Variants in ANKS6 observed in about 807,000 individuals in gnomAD.
ANKS6 encodes ankyrin repeat and sterile alpha motif domain containing 6, also known as ankyrin repeat and SAM domain-containing protein 6.
Under a neutral mutation model 77.9 loss-of-function variants are expected in ANKS6, and 47 were observed. That is an observed-to-expected ratio of 0.60 (90% confidence interval 0.48 to 0.77). The LOEUF is 0.77. Among genes scored for constraint, ANKS6 ranks in the 30% least tolerant of loss-of-function variants. The pLI is 0.00. For synonymous variants in ANKS6, 488 were observed against 501.7 expected, an observed-to-expected ratio of 0.97 and a Z score of 0.37; for missense variants, 1,150 against 1,159.1, an observed-to-expected ratio of 0.99 and a Z score of 0.11.
chr9:98,795,687 G>A (rs560606520), intron 1 of ANKS6, among the ~76,000 whole-genome samples: 1 of 152,180 alleles, frequency 6.6e-6, no homozygotes, highest in Admixed American at 6.5e-5. Context: ...TCCAAAATGG[G>A]TCACCTGCCC....
Position 98,791,276 on chromosome 9 carries a change from C to G in ANKS6, c.360-670G>C, listed in dbSNP as rs1441830414. 2.0e-5 allele frequency among the ~76,000 whole-genome samples: 3 copies of G among 152,232 alleles called. No homozygotes were observed. The East Asian group carries it at 5.8e-4, about 29-fold the overall frequency. On this transcript the variant is annotated intron_variant, in intron 1 of 14. Coordinates refer to ENST00000353234, the MANE Select transcript of ANKS6 (RefSeq NM_173551.5). This position sits in a 1 kb window ranked among gnomAD's most constrained non-coding sequence, Gnocchi z 4.3. The stretch of plus-strand genomic sequence containing the variant: ...ATCCCCAAAAGCACACACCCCATGC[C>G]AAGAGGTGTGGCAAGGTTGTGGTCA...
In ANKS6 at chr9:98,745,093, T is replaced by G. The variant is rs28397053; in HGVS notation, c.2511+466A>C. Reference sequence around the variant, plus strand: ...AGAAATTTAACATGAGACAAAAATGTGGGAAGCCGACAATAGTGACTGACG... The same window carrying G: ...AGAAATTTAACATGAGACAAAAATGGGGGAAGCCGACAATAGTGACTGACG... On this transcript the variant is annotated intron_variant, in intron 14 of 14. Transcript: ENST00000353234. 3.2e-3 allele frequency among the ~76,000 whole-genome samples: 490 copies of G among 152,330 alleles called. 4 individuals are homozygous for G. The highest frequency in any genetic ancestry group is 5.1e-3 in the Non-Finnish European group (348 of 68,042).
At chr9:98,750,307 T>C (rs1299021339) in intron 13 of ANKS6, among the ~76,000 whole-genome samples, 1 of 152,250 alleles carries the variant, frequency 6.6e-6, no homozygotes, top group African/African-American at 2.4e-5. Flanking sequence ...TTTCTTCCAC[T>C]TAGCAAGATG....
In ANKS6 at chr9:98,782,502, G is replaced by A. The variant is rs747325459; in HGVS notation, c.1184C>T (p.Thr395Met). Reference sequence around the variant, plus strand: ...CAGCAGCATCACCAGGTCAAAGGCCGTGTATCCATTTTTTGCACGAAGAGT... The same window carrying A: ...CAGCAGCATCACCAGGTCAAAGGCCATGTATCCATTTTTTGCACGAAGAGT... Reference protein sequence around the residue: ...DVTLRAKNGYTAFDLVMLLND... With the variant: ...DVTLRAKNGYMAFDLVMLLND... The change falls in exon 5 of 15, where the codon ACG becomes ATG. Residue 395 changes from threonine to methionine, a missense_variant. Thr to Met is a moderately conservative substitution (Grantham distance 81). Coordinates refer to ENST00000353234, the MANE Select transcript of ANKS6 (RefSeq NM_173551.5). 32 of 1,614,148 alleles carry A rather than the reference G, an allele frequency of 2.0e-5. No individual in the cohort carries two copies. In the East Asian group the frequency reaches 2.5e-4, roughly 12 times the overall value.
rs149684772 is a variant in ANKS6, at chr9:98,732,914, C to A, written c.*3605G>T. 2.8e-6 allele frequency: 3 copies of A among 1,074,152 alleles called. No homozygotes were observed. The highest frequency in any genetic ancestry group is 3.4e-6 in the Non-Finnish European group (3 of 884,954). 66.5% of individuals were successfully genotyped at this position (1,074,152 alleles called of 1,614,324 possible). A position where few individuals can be genotyped will look rare whatever the true frequency, so the allele number is the denominator to read the frequency against. On this transcript the variant is annotated 3_prime_UTR_variant, in exon 15 of 15. Transcript: ENST00000353234. ...ACATTACGTGCTGCCTTTGCACATGCCCCAGCTGGAATGCCCTTTTTCTTT... is the reference window on the plus strand; with the variant it reads ...ACATTACGTGCTGCCTTTGCACATGACCCAGCTGGAATGCCCTTTTTCTTT...
At chr9:98,737,526 A>C (rs1010695467) in intron 14 of ANKS6, among the ~76,000 whole-genome samples, 7 of 152,230 alleles carry the variant, frequency 4.6e-5, no homozygotes, top group African/African-American at 1.7e-4. Context: ...TACCTAACCA[A>C]GGAGGTGAAA....
intron 11 of ANKS6, among the ~76,000 whole-genome samples, chr9:98,760,894 A>T (rs1041407970): frequency 2.6e-5 from 4 of 152,196 alleles, no homozygotes; most frequent in African/African-American, 4.8e-5. Context: ...GAAATTTTTT[A>T]AAAATCCACC....
At chr9:98,740,997 C>T (rs993718531) in intron 14 of ANKS6, among the ~76,000 whole-genome samples, 5 of 152,176 alleles carry the variant, frequency 3.3e-5, no homozygotes, top group African/African-American at 1.2e-4. Flanking sequence ...TGGCTCTTTC[C>T]GGAAAGTTAT....
At chr9:98,775,109 A>G (rs1833857229) in intron 8 of ANKS6, among the ~76,000 whole-genome samples, 1 of 152,262 alleles carries the variant, frequency 6.6e-6, no homozygotes, top group Non-Finnish European at 1.5e-5. Flanking sequence ...TCTAGACCAC[A>G]ACAAGCTCAT....
intron 13 of ANKS6, among the ~76,000 whole-genome samples, 154 bp downstream of exon 13, chr9:98,750,871 TAACA>T (rs1181974439): frequency 1.3e-5 from 2 of 152,214 alleles, no homozygotes; most frequent in African/African-American, 2.4e-5. Context: ...GATTTCACAA[TAACA>T]AACTGAACTA....
chr9:98,790,284 G>T lies in ANKS6; in HGVS notation c.682C>A (p.Pro228Thr). 1.2e-6 allele frequency: 2 copies of T among 1,603,762 alleles called. No individual in the cohort carries two copies. Among genetic ancestry groups the T allele is most frequent in the Non-Finnish European group, 1.7e-6 (2 of 1,173,156 alleles). The change falls in exon 2 of 15, where the codon CCG becomes ACG. Residue 228 changes from proline to threonine, a missense_variant. Pro to Thr is a conservative substitution (Grantham distance 38). Coordinates refer to ENST00000353234, the MANE Select transcript of ANKS6 (RefSeq NM_173551.5). ...CCAGTGAGTGCGGCCAGCATCAGCG[G>T]GCTCCAGCCCACGGTCCGGGCTGCG... is the stretch of plus-strand genomic sequence containing the variant. ...NHAARTVGWSPLMLAALTGRL... is the reference protein window; with the variant it reads ...NHAARTVGWSTLMLAALTGRL...
At chr9:98,789,871 G>C (rs1343401810) in intron 2 of ANKS6, 2 of 514,972 alleles carry the variant, frequency 3.9e-6, no homozygotes, top group Non-Finnish European at 3.2e-6. Flanking sequence ...TTGTTATAGA[G>C]GCTTCCAGGC....
rs528333578 is a variant in ANKS6, at chr9:98,734,121, C to T, written c.*2398G>A. On this transcript the variant is annotated 3_prime_UTR_variant, in exon 15 of 15. Coordinates refer to ENST00000353234, the MANE Select transcript of ANKS6 (RefSeq NM_173551.5). ...CCCTTTCTCTTCCCTGCCTACCAGCCGCATCCAAACATCCCCAGAAAGGGT... is the reference window on the plus strand; with the variant it reads ...CCCTTTCTCTTCCCTGCCTACCAGCTGCATCCAAACATCCCCAGAAAGGGT... 4.1e-6 allele frequency: 4 copies of T among 985,506 alleles called. No individual in the cohort carries two copies. Among genetic ancestry groups the T allele is most frequent in the East Asian group, 1.1e-4 (1 of 8,812 alleles). The allele number at this position is 985,506 out of a possible 1,614,324, so 61.0% of individuals were successfully genotyped here.
chr9:98,765,525 C>T lies in ANKS6; in HGVS notation c.2142+2556G>A, dbSNP rs931395687. Reference sequence around the variant, plus strand: ...ACATGTGGCTCAGTTGTCCTGGCCACCTCAGCCACCAGCCAGGTGAGTGAT... The same window carrying T: ...ACATGTGGCTCAGTTGTCCTGGCCATCTCAGCCACCAGCCAGGTGAGTGAT... On this transcript the variant is annotated intron_variant, in intron 11 of 14. Coordinates refer to ENST00000353234, the MANE Select transcript of ANKS6 (RefSeq NM_173551.5). 7.2e-5 allele frequency among the ~76,000 whole-genome samples: 11 copies of T among 152,228 alleles called. No individual in the cohort carries two copies. The South Asian group carries it at 1.2e-3, about 17-fold the overall frequency.
chr9:98,745,463 T>G, intron 14 of ANKS6, 96 bp downstream of exon 14: 1 of 1,186,160 alleles, frequency 8.4e-7, no homozygotes, highest in Non-Finnish European at 1.3e-6. Context: ...TTGCTCACTG[T>G]CAGAGAGAGG....
At chr9:98,762,563 T>C (rs961075606) in intron 11 of ANKS6, among the ~76,000 whole-genome samples, 7 of 152,250 alleles carry the variant, frequency 4.6e-5, no homozygotes, top group Non-Finnish European at 1.0e-4. Flanking sequence ...TTATGTCAGA[T>C]TCAGGAGGTT....
At position 98,790,201 on chromosome 9, in the gene ANKS6, G is replaced by A. The variant is rs371230407; in HGVS notation, c.765C>T (p.Ser255=). The part of the protein sequence containing the change: ...VEKGANPDHL[S]VLEKTAFEVA... ...CCTCGAAGGCGGTCTTCTCCAGCAC[G>A]CTGAGGTGGTCAGGGTTGGCGCCCT... is the stretch of plus-strand genomic sequence containing the variant. Residue 255 remains serine (S), a synonymous_variant, in exon 2 of 15, where the codon AGC becomes AGT. Coordinates refer to ENST00000353234, the MANE Select transcript of ANKS6 (RefSeq NM_173551.5). 40 of 1,605,864 alleles carry A rather than the reference G, an allele frequency of 2.5e-5. No individual in the cohort carries two copies. The highest frequency in any genetic ancestry group is 3.3e-5 in the Admixed American group (2 of 59,848).
chr9:98,793,054 T>C (rs34785870), intron 1 of ANKS6, among the ~76,000 whole-genome samples: 8,344 of 152,264 alleles, frequency 0.055, 313 homozygotes, highest in Non-Finnish European at 0.087. Context: ...TACTGATGAA[T>C]TTCAGCAATT....
At chr9:98,755,086 C>T (rs1437540881) in intron 12 of ANKS6, among the ~76,000 whole-genome samples, 1 of 152,112 alleles carries the variant, frequency 6.6e-6, no homozygotes, top group Non-Finnish European at 1.5e-5. Context: ...GATAAATGAT[C>T]ACACTGGATA....
Sources: gnomAD v4.1 joint callset for allele counts (sites outside exome capture counted in the v4.1 genomes callset) on GRCh38, gnomAD v4.1.1 for gene constraint, Gnocchi (gnomAD v3.1) non-coding constraint, MANE v1.5 for transcripts, NCBI Gene and HGNC (gene_info 2026-07-23, HGNC 2026-07-21) for gene names.